Variants in MMP16 observed in about 807,000 individuals in gnomAD.
MMP16 encodes matrix metallopeptidase 16, also known as matrix metalloproteinase-16.
Under a neutral mutation model 67.8 loss-of-function variants are expected in MMP16, and 12 were observed. That is an observed-to-expected ratio of 0.18 (90% CI 0.11 to 0.29). The LOEUF is 0.29. MMP16 is among the 10% of genes least tolerant of loss of function. The pLI is 1.00. For missense variants in MMP16, 475 were observed against 765.7 expected (o/e 0.62, Z 4.48); for synonymous variants, 249 against 255.9 (o/e 0.97, Z 0.26).
intron 1 of MMP16, among the ~76,000 whole-genome samples, chr8:88,252,662 G>T (rs555160984): frequency 2.7e-4 from 38 of 138,850 alleles, no homozygotes; most frequent in Non-Finnish European, 5.2e-4. Flanking sequence ...AAAAAAAAAG[G>T]AAAGAAATTT....
chr8:88,091,974 T>C (rs1808945815), intron 6 of MMP16, among the ~76,000 whole-genome samples: 1 of 151,828 alleles, frequency 6.6e-6, no homozygotes, highest in South Asian at 2.1e-4. Context: ...ATTTGATCAA[T>C]GTTATGATTT....
chr8:88,186,387 G>T lies in MMP16; in HGVS notation c.404+89C>A, dbSNP rs1316394827. On this transcript the variant is annotated intron_variant, in intron 3 of 9. Transcript: ENST00000286614. The stretch of plus-strand genomic sequence containing the variant: ...TTATATCCCTATATATTAACATGTA[G>T]TCAACGTGCAGAAGATACTAAACTA... 19 of 1,509,316 alleles carry T rather than the reference G, an allele frequency of 1.3e-5. No individual in the cohort carries two copies. The Admixed American group carries it at 3.1e-4, about 25-fold the overall frequency. The allele number at this position is 1,509,316 out of a possible 1,614,324, so 93.5% of individuals were successfully genotyped here. A position where few individuals can be genotyped will look rare whatever the true frequency, so the allele number is the denominator to read the frequency against.
At chr8:88,300,672 T>C (rs933495447) in intron 1 of MMP16, among the ~76,000 whole-genome samples, 3 of 152,158 alleles carry the variant, frequency 2.0e-5, no homozygotes, top group Admixed American at 6.5e-5. Context: ...AATATATATG[T>C]AGGGTTTGGT....
At chr8:88,195,295 T>C (rs1409120521) in intron 2 of MMP16, among the ~76,000 whole-genome samples, 1 of 152,186 alleles carries the variant, frequency 6.6e-6, no homozygotes, top group African/African-American at 2.4e-5. Flanking sequence ...CTTTCTTAAA[T>C]TTAATAACTA....
chr8:88,159,126 T>A (rs1808567307), intron 4 of MMP16, among the ~76,000 whole-genome samples: 1 of 152,212 alleles, frequency 6.6e-6, no homozygotes, highest in African/African-American at 2.4e-5. Context: ...TTCTTTTGGC[T>A]TAGGATTGTC....
At chr8:88,165,021 T>G (rs1391826221) in intron 4 of MMP16, among the ~76,000 whole-genome samples, 1 of 151,686 alleles carries the variant, frequency 6.6e-6, no homozygotes, top group Non-Finnish European at 1.5e-5. Context: ...CCTGTAGATT[T>G]TTTCCCCAAA....
intron 1 of MMP16, among the ~76,000 whole-genome samples, chr8:88,265,034 T>C (rs1810452684): frequency 6.6e-6 from 1 of 152,164 alleles, no homozygotes; most frequent in South Asian, 2.1e-4. Context: ...ACTTGAGACC[T>C]GAGAAAATGA....
At chr8:88,207,994 G>A (rs1380630772) in intron 1 of MMP16, among the ~76,000 whole-genome samples, 1 of 152,158 alleles carries the variant, frequency 6.6e-6, no homozygotes, top group Non-Finnish European at 1.5e-5. Flanking sequence ...AAAAAGGTTT[G>A]GCTTACAAAA....
intron 6 of MMP16, among the ~76,000 whole-genome samples, chr8:88,088,380 C>T (rs185877555): frequency 6.6e-6 from 1 of 151,960 alleles, no homozygotes; most frequent in Admixed American, 6.6e-5. Context: ...GGGAATGTGC[C>T]ATAGGGAAAG....
chr8:88,189,031 C>G (rs150708078), intron 2 of MMP16, among the ~76,000 whole-genome samples: 6 of 152,280 alleles, frequency 3.9e-5, no homozygotes, highest in Non-Finnish European at 7.4e-5. Context: ...TTATATAAGT[C>G]TTGGGCTTTT....
chr8:88,119,407 A>G (rs1807782614), intron 4 of MMP16, among the ~76,000 whole-genome samples: 1 of 152,108 alleles, frequency 6.6e-6, no homozygotes, highest in Non-Finnish European at 1.5e-5. Flanking sequence ...TAGAATAAAG[A>G]AACACAATAA....
intron 1 of MMP16, among the ~76,000 whole-genome samples, chr8:88,292,906 T>C (rs897044051): frequency 1.3e-5 from 2 of 152,184 alleles, no homozygotes; most frequent in African/African-American, 2.4e-5. Context: ...CAATGCCTAA[T>C]TGACAATGGG....
chr8:88,201,269 CTG>C (rs1177895692), intron 1 of MMP16, among the ~76,000 whole-genome samples: 1 of 151,426 alleles, frequency 6.6e-6, no homozygotes, highest in African/African-American at 2.4e-5. Context: ...ATAAGGAAGG[CTG>C]TGTTAGGATT....
At chr8:88,306,983 A>G (rs914688240) in intron 1 of MMP16, among the ~76,000 whole-genome samples, 13 of 152,214 alleles carry the variant, frequency 8.5e-5, no homozygotes, top group African/African-American at 1.9e-4. Context: ...GAGAAAGTCA[A>G]ACTATCTTTG....
chr8:88,267,124 A>G (rs990312870), intron 1 of MMP16, among the ~76,000 whole-genome samples: 1 of 152,196 alleles, frequency 6.6e-6, no homozygotes, highest in Non-Finnish European at 1.5e-5. Flanking sequence ...AGGAACGTTC[A>G]TCTGCTTTTC....
intron 1 of MMP16, among the ~76,000 whole-genome samples, chr8:88,324,203 T>TA (rs747661282): frequency 6.6e-5 from 10 of 152,248 alleles, no homozygotes; most frequent in Middle Eastern, 6.8e-3. Context: ...TTTTGCTTCT[T>TA]AAAAAACAAG....
chr8:88,149,588 C>G (rs1346285725), intron 4 of MMP16, among the ~76,000 whole-genome samples: 1 of 151,948 alleles, frequency 6.6e-6, no homozygotes, highest in Non-Finnish European at 1.5e-5. Flanking sequence ...GAGGCACCCC[C>G]CAGCAGGGGC....
chr8:88,062,806 T>TAA (rs911197312), intron 7 of MMP16, among the ~76,000 whole-genome samples: 17 of 151,980 alleles, frequency 1.1e-4, no homozygotes, highest in African/African-American at 3.9e-4. Flanking sequence ...TAAAGTATAA[T>TAA]AAAAAAAATT....
At chr8:88,198,260 C>A (rs975094280) in intron 1 of MMP16, among the ~76,000 whole-genome samples, 12 of 152,088 alleles carry the variant, frequency 7.9e-5, no homozygotes, top group Non-Finnish European at 1.6e-4. Context: ...ATGTTCAGGC[C>A]ACATCCCATC....
Sources: gnomAD v4.1 joint callset for allele counts (sites outside exome capture counted in the v4.1 genomes callset) on GRCh38, gnomAD v4.1.1 for gene constraint, MANE v1.5 for transcripts, NCBI Gene and HGNC (gene_info 2026-07-23, HGNC 2026-07-21) for gene names.